SVEP1: variants seen among roughly 807,000 people sequenced by gnomAD.
SVEP1 encodes sushi, von Willebrand factor type A, EGF and pentraxin domain containing 1.
In SVEP1, 164 loss-of-function variants were observed where a neutral mutation model predicts 367.3. That is an observed-to-expected ratio of 0.45 (90% CI 0.39 to 0.51). The LOEUF (loss-of-function observed/expected upper bound fraction) is 0.51. SVEP1 is among the 20% of genes least tolerant of loss of function. The pLI is 0.00. For missense variants in SVEP1, 4,117 were observed against 4,425.3 expected, an observed-to-expected ratio of 0.93 and a Z score of 1.98; for synonymous variants, 1,666 against 1,611.6, an observed-to-expected ratio of 1.03 and a Z score of -0.81.
chr9:110,518,046 G>C (rs1450118416), intron 3 of SVEP1, among the ~76,000 whole-genome samples: 7 of 152,000 alleles, frequency 4.6e-5, no homozygotes, highest in Non-Finnish European at 1.0e-4. Flanking sequence ...GAATTATCAG[G>C]CTTTCAGGTT....
chr9:110,390,040 A>AGTATATATATATACGTGTATATATATAT (rs1827607662), intron 40 of SVEP1, among the ~76,000 whole-genome samples: 2 of 65,924 alleles, frequency 3.0e-5, no homozygotes, highest in Non-Finnish European at 7.3e-5. Context: ...TATATATATA[A>AGTATATATATATACGTGTATATATATAT]GTATATATAC....
chr9:110,408,132 T>C lies in SVEP1; in HGVS notation c.7468A>G (p.Lys2490Glu), dbSNP rs1827984562. Residue 2490 changes from lysine to glutamate, a missense_variant, in exon 38 of 48, where the codon AAA becomes GAA. Physicochemically the swap from Lys to Glu is moderately conservative, Grantham distance 56. Transcript: ENST00000374469. ...CGENGHWLGG[K>E]PTCKAIECLK... ...CACTCAATGGCTTTACATGTTGGTT[T>C]TCCTCCAAGCCAGTGACCATTTTCT... is the stretch of plus-strand genomic sequence containing the variant. 6.2e-6 allele frequency: 10 copies of C among 1,613,850 alleles called. No homozygotes were observed. The highest frequency in any genetic ancestry group is 7.6e-6 in the Non-Finnish European group (9 of 1,179,838).
At chr9:110,366,614 A>AT (rs745848089) in intron 47 of SVEP1, 54 bp from the exon 48 acceptor site, 6 of 1,493,760 alleles carry the variant, frequency 4.0e-6, no homozygotes, top group Non-Finnish European at 5.4e-6. Flanking sequence ...AATTGAACTG[A>AT]AGAGCTAACA....
At chr9:110,428,697 G>C (rs1046823058) in intron 35 of SVEP1, among the ~76,000 whole-genome samples, 1 of 152,092 alleles carries the variant, frequency 6.6e-6, no homozygotes, top group East Asian at 1.9e-4. Context: ...GGTAGGCCTC[G>C]GGAAGCATAC....
At chr9:110,511,488 C>CTTTTTTTTTTTTTTTTCTT (rs1829711528) in intron 5 of SVEP1, among the ~76,000 whole-genome samples, 1 of 77,554 alleles carries the variant, frequency 1.3e-5, no homozygotes, top group African/African-American at 4.5e-5. Context: ...GTGTCAGTAC[C>CTTTTTTTTTTTTTTTTCTT]TTTTTTTTTT....
intron 6 of SVEP1, among the ~76,000 whole-genome samples, chr9:110,501,409 TTTTC>T (rs1829526905): frequency 2.6e-5 from 4 of 151,008 alleles, no homozygotes; most frequent in Admixed American, 2.0e-4. Flanking sequence ...AGCTGTCTAT[TTTTC>T]TTTATTTTTT....
At chr9:110,405,249 T>TC in intron 38 of SVEP1, among the ~76,000 whole-genome samples, 2 of 150,200 alleles carry the variant, frequency 1.3e-5, no homozygotes, top group African/African-American at 5.0e-5. Flanking sequence ...ACAGCATAAT[T>TC]AATATGTATT....
At chr9:110,399,093 C>T (rs1280755223) in intron 40 of SVEP1, among the ~76,000 whole-genome samples, 1 of 152,162 alleles carries the variant, frequency 6.6e-6, no homozygotes, top group African/African-American at 2.4e-5. Flanking sequence ...TTGGAACCAA[C>T]CCAAATGTCC....
intron 3 of SVEP1, among the ~76,000 whole-genome samples, chr9:110,537,587 G>C (rs1160707237): frequency 6.6e-6 from 1 of 151,912 alleles, no homozygotes; most frequent in African/African-American, 2.4e-5. Flanking sequence ...ATAGAATTAT[G>C]TAGTGGAAGT....
At chr9:110,559,267 G>A (rs930987065) in intron 1 of SVEP1, among the ~76,000 whole-genome samples, 2 of 151,854 alleles carry the variant, frequency 1.3e-5, no homozygotes, top group African/African-American at 4.8e-5. Context: ...AAAAAAATCA[G>A]AATTAGAAAG....
intron 23 of SVEP1, among the ~76,000 whole-genome samples, chr9:110,450,498 C>A (rs1342643537): frequency 3.6e-4 from 42 of 115,354 alleles, no homozygotes; most frequent in African/African-American, 1.3e-3. Flanking sequence ...GAGACAGAGT[C>A]TTGCTCTCTC....
rs550712936 is a variant in SVEP1 at position 110,579,038 on chromosome 9, G to A, written c.506C>T (p.Thr169Ile). The stretch of plus-strand genomic sequence containing the variant: ...CGCGGCTTGCTGGAAGGCGCCCTTG[G>A]TGTAGGTGCCGCCACCTCGGTAGGA... ...AISYRGGGTYTKGAFQQAAQI... is the reference protein window; with the variant it reads ...AISYRGGGTYIKGAFQQAAQI... The change falls in exon 1 of 48, where the codon ACC (threonine) becomes ATC (isoleucine). Residue 169 changes from threonine to isoleucine, a missense_variant. By Grantham distance (89) the Thr-to-Ile change is moderately conservative. Around this residue, in one of 4 missense-constraint regions of SVEP1, gnomAD observed 2,174 missense variants for 2,494.3 expected, o/e 0.87. Coordinates refer to ENST00000374469, the MANE Select transcript of SVEP1 (RefSeq NM_153366.4). The surrounding 1 kb of genome is among the most constrained non-coding windows in gnomAD (Gnocchi z 5.3). 9.0e-4 allele frequency: 1,398 copies of A among 1,549,074 alleles called. No individual in the cohort carries two copies. Among genetic ancestry groups the A allele is most frequent in the Non-Finnish European group, 1.1e-3 (1,284 of 1,146,796 alleles).
rs564999531 is a variant in SVEP1 at position 110,468,621 on chromosome 9, T to G, written c.3160+319A>C. 2.1e-4 allele frequency among the ~76,000 whole-genome samples: 32 copies of G among 152,314 alleles called. No individual in the cohort carries two copies. In the South Asian group the frequency reaches 6.4e-3, roughly 31 times the overall value. ...TAGCCCTGAAGATACAGGGATACATTGAAGAATCTGAACAAACAAGACTTG... is the reference window on the plus strand; with the variant it reads ...TAGCCCTGAAGATACAGGGATACATGGAAGAATCTGAACAAACAAGACTTG... On this transcript the variant is annotated intron_variant, in intron 17 of 47. Coordinates refer to ENST00000374469, the MANE Select transcript of SVEP1 (RefSeq NM_153366.4).
intron 1 of SVEP1, among the ~76,000 whole-genome samples, chr9:110,577,719 T>C (rs1275343700): frequency 6.6e-6 from 1 of 151,692 alleles, no homozygotes; most frequent in Non-Finnish European, 1.5e-5. Context: ...CCTCACTATA[T>C]AAAGAACTTT....
intron 3 of SVEP1, among the ~76,000 whole-genome samples, chr9:110,514,513 CAAAA>C (rs71978747): frequency 2.7e-5 from 3 of 109,424 alleles, no homozygotes; most frequent in Non-Finnish European, 5.8e-5. Flanking sequence ...AACTCCATCT[CAAAA>C]AAAAAAAAAA....
chr9:110,491,516 T>C (rs1829365470), intron 8 of SVEP1, among the ~76,000 whole-genome samples: 1 of 152,020 alleles, frequency 6.6e-6, no homozygotes, highest in Admixed American at 6.6e-5. Flanking sequence ...TATCTTGCAT[T>C]GTAAGTAGAA....
intron 31 of SVEP1, 62 bp downstream of exon 31, chr9:110,432,400 G>C: frequency 6.5e-7 from 1 of 1,528,574 alleles, no homozygotes; most frequent in Non-Finnish European, 8.8e-7. Flanking sequence ...CAGGAATTTG[G>C]GATGACTGTC....
At chr9:110,446,064 G>A in intron 25 of SVEP1, 26 bp from the exon 26 acceptor site, 9 of 1,575,928 alleles carry the variant, frequency 5.7e-6, no homozygotes, top group Non-Finnish European at 7.8e-6. Flanking sequence ...AAAGTGTGCA[G>A]ACTGTGGCAC....
At chr9:110,573,666 A>C (rs1048265047) in intron 1 of SVEP1, among the ~76,000 whole-genome samples, 1 of 152,158 alleles carries the variant, frequency 6.6e-6, no homozygotes, top group African/African-American at 2.4e-5. Context: ...TTTGATGTGA[A>C]ATACGTAGGA....
Sources: allele counts gnomAD v4.1 joint callset (sites outside exome capture counted in the v4.1 genomes callset), GRCh38; gene constraint gnomAD v4.1.1; regional missense constraint gnomAD v4.1.1; non-coding constraint Gnocchi (gnomAD v3.1); transcripts MANE v1.5; gene names NCBI Gene and HGNC (gene_info 2026-07-23, HGNC 2026-07-21).